HSPG2: variants seen among roughly 807,000 people sequenced by gnomAD.
HSPG2 encodes heparan sulfate proteoglycan 2.
Under a neutral mutation model 526.6 loss-of-function variants are expected in HSPG2, and 278 were observed. The observed-to-expected ratio is 0.53, with a 90% CI of 0.48 to 0.58. The LOEUF is 0.58. HSPG2 is among the 20% of genes least tolerant of loss of function. The pLI is 0.00. For synonymous variants in HSPG2, 2,465 were observed against 2,555.4 expected (o/e 0.96, Z 1.07); for missense variants, 5,354 against 6,099.5 (o/e 0.88, Z 4.07).
intron 1 of HSPG2, among the ~76,000 whole-genome samples, chr1:21,916,317 C>T (rs756717913): frequency 3.3e-5 from 5 of 151,948 alleles, no homozygotes; most frequent in Admixed American, 1.3e-4. Context: ...CTGGCTAACA[C>T]GGTGAAACCC....
At position 21,852,145 on chromosome 1, in the gene HSPG2, C is replaced by T; in HGVS notation, c.6813G>A (p.Gln2271=). ...TLDLSCVVAG[Q]AHAQVTWYKR... ...TGTACCATGTGACCTGGGCGTGGGC[C>T]TGCCCTGCCACCACGCAGCTCAGAT... is the stretch of plus-strand genomic sequence containing the variant. The change falls in exon 53 of 97, where the codon CAG becomes CAA. Residue 2271 remains glutamine, a synonymous_variant. Coordinates refer to ENST00000374695, the MANE Select transcript of HSPG2 (RefSeq NM_005529.7). 2 of 1,613,896 alleles carry T rather than the reference C, an allele frequency of 1.2e-6. No individual in the cohort carries two copies. The highest frequency in any genetic ancestry group is 1.7e-6 in the Non-Finnish European group (2 of 1,180,028).
rs577440405 is a variant in HSPG2, at chr1:21,922,380, A to G, written c.63+14775T>C. On this transcript the variant is annotated intron_variant, in intron 1 of 96. Coordinates refer to ENST00000374695, the MANE Select transcript of HSPG2 (RefSeq NM_005529.7). ...TTGATGGACGGGAGCTAACAGCCAC[A>G]GCAAGGCGGCTCTGGGCTCTTTTCT... Among the ~76,000 whole-genome samples the G allele has an allele frequency of 2.6e-5, 4 of 152,338 alleles. No homozygotes were observed. The South Asian group carries it at 6.2e-4, about 24-fold the overall frequency.
At position 21,851,923 on chromosome 1, in the gene HSPG2, G is replaced by A. The variant is rs1405964612; in HGVS notation, c.6874C>T (p.Arg2292Cys). ...GGSLPARHQV[R>C]GSRLYIFQAS... ...TGGAAGATGTACAGGCGGGAGCCAC[G>A]AACCTGGGCAGCCGTGGGCAGAGGT... The change falls in exon 54 of 97, where the codon CGT (arginine) becomes TGT (cysteine). Residue 2292 changes from arginine (R) to cysteine (C), a missense_variant. Arg to Cys is a radical substitution (Grantham distance 180). Transcript: ENST00000374695. The A allele has an allele frequency of 3.1e-6, 5 of 1,602,476 alleles. No homozygotes were observed. Among genetic ancestry groups the A allele is most frequent in the South Asian group, 2.2e-5 (2 of 90,188 alleles).
chr1:21,918,567 T>G (rs1643945268), intron 1 of HSPG2, among the ~76,000 whole-genome samples: 1 of 152,144 alleles, frequency 6.6e-6, no homozygotes, highest in Non-Finnish European at 1.5e-5. Context: ...GCCATATACT[T>G]GACAAACATT....
In HSPG2 at chr1:21,828,721, G is replaced by A. The variant is rs961688815; in HGVS notation, c.12237+114C>T. ...CAGAGGTACAGTGTCCTGGCCCAGGGCCCGTGGGTGGCTGCAGGTGGAGGG... is the reference window on the plus strand; with the variant it reads ...CAGAGGTACAGTGTCCTGGCCCAGGACCCGTGGGTGGCTGCAGGTGGAGGG... On this transcript the variant is annotated intron_variant, in intron 88 of 96. Transcript: ENST00000374695. The surrounding 1 kb of genome is among the most constrained non-coding windows in gnomAD (Gnocchi z 6.0). 10 of 1,443,278 alleles carry A rather than the reference G, an allele frequency of 6.9e-6. No homozygotes were observed. The African/African-American group carries it at 1.3e-4, about 18-fold the overall frequency. The allele number at this position is 1,443,278 out of a possible 1,614,324, so 89.4% of individuals were successfully genotyped here. A position where few individuals can be genotyped will look rare whatever the true frequency, so the allele number is the denominator to read the frequency against.
rs1641886683 is a variant in HSPG2 at position 21,886,248 on chromosome 1, A to C, written c.1079-797T>G. The stretch of plus-strand genomic sequence containing the variant: ...TTGACTTCCCCAGGAGAGGCCCCTG[A>C]GAAGGGCCTTCCAACTAAAGCCCCC... On this transcript the variant is annotated intron_variant, in intron 9 of 96. Transcript: ENST00000374695. Among the ~76,000 whole-genome samples the C allele has an allele frequency of 2.0e-5, 3 of 152,350 alleles. No homozygotes were observed. In the South Asian group the frequency reaches 6.2e-4, roughly 32 times the overall value.
intron 3 of HSPG2, among the ~76,000 whole-genome samples, chr1:21,892,383 C>T (rs1642430487): frequency 1.3e-5 from 2 of 152,260 alleles, no homozygotes; most frequent in Admixed American, 6.5e-5. Flanking sequence ...GGAATGTGCC[C>T]GCTCCTGGGG....
intron 85 of HSPG2, chr1:21,830,311 G>A: frequency 6.8e-6 from 4 of 586,264 alleles, no homozygotes; most frequent in Admixed American, 5.9e-5. Flanking sequence ...GACTCTGTGT[G>A]TCTGCAGGTT....
At position 21,838,891 on chromosome 1, in the gene HSPG2, G is replaced by A. The variant is rs368151242; in HGVS notation, c.10084C>T (p.Arg3362Cys). The A allele has an allele frequency of 3.1e-5, 50 of 1,612,472 alleles. No homozygotes were observed. The African/African-American group carries it at 4.7e-4, about 15-fold the overall frequency. ...TTGTTGGTGACCCGGCAGCGGTAGC[G>A]GCCTGAGTCCTCAGGGGCTGCACGC... The part of the protein sequence containing the change: ...FERAAPEDSG[R>C]YRCRVTNKVG... Residue 3362 changes from arginine to cysteine, a missense_variant, in exon 74 of 97, where the codon CGC becomes TGC. Transcript: ENST00000374695.
chr1:21,911,328 G>T (rs1194636114), intron 1 of HSPG2, among the ~76,000 whole-genome samples: 1 of 152,208 alleles, frequency 6.6e-6, no homozygotes, highest in Non-Finnish European at 1.5e-5. Flanking sequence ...GACAACAGCT[G>T]GGGAGAGCTC....
rs1472604967 is a variant in HSPG2, at chr1:21,887,836, G to A, written c.703+102C>T. Reference sequence around the variant, plus strand: ...CTTCCTATGCCCCCATCCTCTGCCTGCACCAAACCCTCATAGTCCTTGATG... The same window carrying A: ...CTTCCTATGCCCCCATCCTCTGCCTACACCAAACCCTCATAGTCCTTGATG... On this transcript the variant is annotated intron_variant, in intron 7 of 96. Transcript: ENST00000374695. This position sits in a 1 kb window ranked among gnomAD's most constrained non-coding sequence, Gnocchi z 5.0. 25 of 1,588,374 alleles carry A rather than the reference G, an allele frequency of 1.6e-5. No homozygotes were observed. Among genetic ancestry groups the A allele is most frequent in the Non-Finnish European group, 1.8e-5 (21 of 1,159,814 alleles).
chr1:21,922,958 C>T (rs779082904), intron 1 of HSPG2, among the ~76,000 whole-genome samples: 7 of 152,048 alleles, frequency 4.6e-5, no homozygotes, highest in Admixed American at 6.5e-5. Context: ...TCCCCCATCC[C>T]GCCCCCACCC....
intron 29 of HSPG2, 149 bp downstream of exon 29, chr1:21,873,776 A>C (rs981003419): frequency 1.2e-5 from 8 of 677,482 alleles, no homozygotes; most frequent in Non-Finnish European, 2.0e-5. Flanking sequence ...TCTCCCGAGG[A>C]GGGGAGCTGA....
At chr1:21,933,828 C>G (rs1644411464) in intron 1 of HSPG2, among the ~76,000 whole-genome samples, 1 of 152,250 alleles carries the variant, frequency 6.6e-6, no homozygotes, top group Non-Finnish European at 1.5e-5. Flanking sequence ...AACAAGTAGG[C>G]TAGTGTCAGG....
Position 21,852,976 on chromosome 1 carries a change from C to T in HSPG2, c.6534G>A (p.Gln2178=). The T allele has an allele frequency of 6.2e-7, 1 of 1,613,620 alleles. No homozygotes were observed. Among genetic ancestry groups the T allele is most frequent in the Non-Finnish European group, 8.5e-7 (1 of 1,179,912 alleles). The change falls in exon 51 of 97, where the codon CAG becomes CAA. Residue 2178 remains glutamine, a synonymous_variant. Transcript: ENST00000374695. ...TGTGCCACGTGACCTGGGCGTGGGCCTGCCCGGGCACCACGCAGTTCAGAT... is the reference window on the plus strand; with the variant it reads ...TGTGCCACGTGACCTGGGCGTGGGCTTGCCCGGGCACCACGCAGTTCAGAT... The part of the protein sequence containing the change: ...TLDLNCVVPG[Q]AHAQVTWHKR...
chr1:21,843,388 G>A lies in HSPG2; in HGVS notation c.8667C>T (p.Gly2889=), dbSNP rs138583401. Residue 2889 remains glycine, a synonymous_variant, in exon 66 of 97, where the codon GGC becomes GGT. Coordinates refer to ENST00000374695, the MANE Select transcript of HSPG2 (RefSeq NM_005529.7). The part of the protein sequence containing the change: ...RLNQVSPADS[G]EYSCQVTGSS... ...TTCCGGTCACTTGGCACGAGTACTC[G>A]CCAGAGTCAGCCGGGGACACCTGGT... 6.9e-5 allele frequency: 111 copies of A among 1,613,880 alleles called. No individual in the cohort carries two copies. In the African/African-American group the frequency reaches 1.1e-3, roughly 16 times the overall value.
At chr1:21,860,061 C>T (rs1272183728) in intron 40 of HSPG2, 59 bp from the exon 41 acceptor site, 1 of 1,600,180 alleles carries the variant, frequency 6.2e-7, no homozygotes, top group African/African-American at 1.3e-5. Context: ...TATCTCTGCT[C>T]TCCCAAAAGC....
At position 21,851,686 on chromosome 1, in the gene HSPG2, T is replaced by A; in HGVS notation, c.7018A>T (p.Thr2340Ser). The change falls in exon 55 of 97, where the codon ACC becomes TCC. Residue 2340 changes from threonine (T) to serine (S), a missense_variant. Thr to Ser is a moderately conservative substitution (Grantham distance 58). Coordinates refer to ENST00000374695, the MANE Select transcript of HSPG2 (RefSeq NM_005529.7). ...GANLAYPAGS[T>S]QPIRIEPSSS... is the part of the protein sequence containing the mutation. The stretch of plus-strand genomic sequence containing the variant: ...GAGGGCTCGATGCGGATGGGCTGGG[T>A]GCTGCCGGCAGCTGAGGGATAAGAT... 1 of 1,613,996 alleles carries A rather than the reference T, an allele frequency of 6.2e-7. No individual in the cohort carries two copies. Among genetic ancestry groups the A allele is most frequent in the East Asian group, 2.2e-5 (1 of 44,858 alleles).
In HSPG2 at chr1:21,831,049, C is replaced by T. The variant is rs1397306075; in HGVS notation, c.11604G>A (p.Val3868=). ...QCHDSESSSY[V]CVCPAGFTGS... is the part of the protein sequence containing the mutation. ...CGGTGAAGCCAGCTGGGCAGACGCA[C>T]ACGTAGCTGCTGCTCTCAGAGTCAT... The change falls in exon 85 of 97, where the codon GTG becomes GTA. Residue 3868 remains valine (V), a synonymous_variant. Transcript: ENST00000374695. 5 of 1,592,620 alleles carry T rather than the reference C, an allele frequency of 3.1e-6. No individual in the cohort carries two copies. The South Asian group carries it at 4.5e-5, about 14-fold the overall frequency.
Sources: allele counts gnomAD v4.1 joint callset (sites outside exome capture counted in the v4.1 genomes callset), GRCh38; gene constraint gnomAD v4.1.1; non-coding constraint Gnocchi (gnomAD v3.1); transcripts MANE v1.5; gene names NCBI Gene and HGNC (gene_info 2026-07-23, HGNC 2026-07-21).